The following SLC17A6 variants were observed in gnomAD, a reference collection of about 807,000 sequenced individuals.
SLC17A6 encodes vesicular glutamate transporter 2.
Under a neutral mutation model 67.1 loss-of-function variants are expected in SLC17A6, and 35 were observed. The ratio of observed to expected loss-of-function variants is 0.52; its 90% CI spans 0.40 to 0.69. The LOEUF (loss-of-function observed/expected upper bound fraction) is 0.69. Ranked by LOEUF, SLC17A6 falls within the 30% of genes least tolerant of loss-of-function variation. SLC17A6 has a pLI of 0.00. For synonymous variants in SLC17A6, 285 were observed against 252.3 expected (o/e 1.13, Z -1.23); for missense variants, 588 against 723.9 (o/e 0.81, Z 2.15).
chr11:22,350,924 T>C (rs1435425289), intron 3 of SLC17A6, among the ~76,000 whole-genome samples: 1 of 152,194 alleles, frequency 6.6e-6, no homozygotes, highest in Non-Finnish European at 1.5e-5. Context: ...GAGTATTTCA[T>C]TGATAGTTTG....
At chr11:22,370,671 A>G (rs1024199350) in intron 8 of SLC17A6, among the ~76,000 whole-genome samples, 1 of 152,178 alleles carries the variant, frequency 6.6e-6, no homozygotes, top group African/African-American at 2.4e-5. Context: ...TATTTTGTCC[A>G]TCCAATCTAT....
At position 22,352,913 on chromosome 11, in the gene SLC17A6, A is replaced by C. The variant is rs141084140; in HGVS notation, c.459-6500A>C. Among the ~76,000 whole-genome samples, 10 of 152,354 alleles carry C rather than the reference A, an allele frequency of 6.6e-5. No individual in the cohort carries two copies. The East Asian group carries it at 1.9e-3, about 29-fold the overall frequency. ...ACAGACTAAGAGGCTGATGCATTTC[A>C]ATCAATTCTGTATGAATTCAGAATG... On this transcript the variant is annotated intron_variant, in intron 3 of 11. Transcript: ENST00000263160.
intron 3 of SLC17A6, among the ~76,000 whole-genome samples, chr11:22,357,129 C>T (rs1054603051): frequency 6.6e-6 from 1 of 152,162 alleles, no homozygotes; most frequent in African/African-American, 2.4e-5. Context: ...CAGGTTTCCT[C>T]TACTTAAAAC....
chr11:22,341,041 G>A (rs1247568917), intron 1 of SLC17A6, among the ~76,000 whole-genome samples: 1 of 152,186 alleles, frequency 6.6e-6, no homozygotes, highest in Non-Finnish European at 1.5e-5. Context: ...TCTCTAGTTG[G>A]GCCCGCCTGC....
chr11:22,343,112 A>G (rs1855836070), intron 2 of SLC17A6, 135 bp from the exon 3 acceptor site: 2 of 761,528 alleles, frequency 2.6e-6, no homozygotes, highest in Non-Finnish European at 4.6e-6. Flanking sequence ...GGAAACGAAA[A>G]TGAAGCCACT....
intron 3 of SLC17A6, among the ~76,000 whole-genome samples, chr11:22,351,581 T>A (rs1389515421): frequency 1.3e-5 from 2 of 152,164 alleles, no homozygotes; most frequent in South Asian, 2.1e-4. Context: ...TCAAATTATA[T>A]CATTCTTTAC....
rs1856235261 is a variant in SLC17A6, at chr11:22,376,612, T to A, written c.1353T>A (p.Gly451=). Residue 451 remains glycine, a synonymous_variant, in exon 11 of 12, where the codon GGT becomes GGA. Coordinates refer to ENST00000263160, the MANE Select transcript of SLC17A6 (RefSeq NM_020346.3). ...GTATCTTAATGGGCATTTCGAATGGTGTTGGCACATTGTCAGGAATGGTTT... is the reference window on the plus strand; with the variant it reads ...GTATCTTAATGGGCATTTCGAATGGAGTTGGCACATTGTCAGGAATGGTTT... ...YASILMGISN[G]VGTLSGMVCP... The A allele has an allele frequency of 3.1e-6, 5 of 1,613,904 alleles. No homozygotes were observed. Among genetic ancestry groups the A allele is most frequent in the Non-Finnish European group, 4.2e-6 (5 of 1,179,940 alleles).
At chr11:22,339,073 ATATGT>A (rs1347833135) in intron 1 of SLC17A6, among the ~76,000 whole-genome samples, 6,070 of 111,532 alleles carry the variant, frequency 0.054, 461 homozygotes, top group Non-Finnish European at 0.077. Flanking sequence ...ATATATATAT[ATATGT>A]TATATATATA....
chr11:22,339,770 C>T (rs1460660287), intron 1 of SLC17A6, among the ~76,000 whole-genome samples: 2 of 152,126 alleles, frequency 1.3e-5, no homozygotes, highest in African/African-American at 4.8e-5. Flanking sequence ...CGATTATGCA[C>T]CTATGCGGCA....
intron 1 of SLC17A6, among the ~76,000 whole-genome samples, chr11:22,339,568 G>A (rs1252872462): frequency 6.6e-6 from 1 of 152,072 alleles, no homozygotes; most frequent in African/African-American, 2.4e-5. Context: ...TATGGATACA[G>A]CTTTTCTTAA....
chr11:22,348,905 C>T (rs922406058), intron 3 of SLC17A6, among the ~76,000 whole-genome samples: 1 of 151,976 alleles, frequency 6.6e-6, no homozygotes, highest in African/African-American at 2.4e-5. Flanking sequence ...TGTGTTAAGC[C>T]CAGAAAGGAG....
chr11:22,370,189 G>T lies in SLC17A6; in HGVS notation c.1041+1G>T. ...AGTCTTTGGATTTGAAATTAGCAAG[G>T]TATGTAAAATGTATTCTTATATAAA... On this transcript the variant is annotated splice_donor_variant, in intron 8 of 11. Coordinates refer to ENST00000263160, the MANE Select transcript of SLC17A6 (RefSeq NM_020346.3). LOFTEE classifies it high-confidence loss of function. 1 of 1,599,814 alleles carries T rather than the reference G, an allele frequency of 6.3e-7. No individual in the cohort carries two copies. Among genetic ancestry groups the T allele is most frequent in the Non-Finnish European group, 8.5e-7 (1 of 1,174,998 alleles).
chr11:22,345,754 G>T (rs1855869043), intron 3 of SLC17A6, among the ~76,000 whole-genome samples: 1 of 152,000 alleles, frequency 6.6e-6, no homozygotes, highest in Non-Finnish European at 1.5e-5. Context: ...TTGAAGCCTT[G>T]TGTGAAAATG....
chr11:22,372,658 T>A (rs1856187382), intron 8 of SLC17A6, among the ~76,000 whole-genome samples: 1 of 152,086 alleles, frequency 6.6e-6, no homozygotes. Context: ...CGATCTAGAC[T>A]ATGACCCAGA....
intron 3 of SLC17A6, among the ~76,000 whole-genome samples, chr11:22,347,043 C>T (rs191797296): frequency 3.3e-5 from 5 of 151,670 alleles, no homozygotes; most frequent in Admixed American, 6.6e-5. Flanking sequence ...GATTTCTCAA[C>T]GCTGCTTTAT....
intron 6 of SLC17A6, among the ~76,000 whole-genome samples, chr11:22,364,716 G>A (rs1055335368): frequency 6.6e-6 from 1 of 152,112 alleles, no homozygotes; most frequent in African/African-American, 2.4e-5. Flanking sequence ...AGAACAGTGT[G>A]AGGGAAAAAT....
intron 8 of SLC17A6, among the ~76,000 whole-genome samples, chr11:22,373,456 A>C (rs1412809259): frequency 1.3e-5 from 2 of 151,662 alleles, no homozygotes; most frequent in African/African-American, 4.8e-5. Context: ...TCTCAAAAGC[A>C]ATAATGATTT....
At chr11:22,348,227 G>GCTTT (rs1433569378) in intron 3 of SLC17A6, among the ~76,000 whole-genome samples, 86 of 152,154 alleles carry the variant, frequency 5.7e-4, no homozygotes, top group Non-Finnish European at 1.0e-3. Flanking sequence ...ATGCTTCATT[G>GCTTT]CAAAGTTTGC....
intron 5 of SLC17A6, chr11:22,362,362 C>A: frequency 3.0e-6 from 1 of 333,320 alleles, no homozygotes; most frequent in South Asian, 3.2e-5. Flanking sequence ...GAATTTGCTA[C>A]AAGGAGATAC....
Sources: allele counts gnomAD v4.1 joint callset (sites outside exome capture counted in the v4.1 genomes callset), GRCh38; gene constraint gnomAD v4.1.1; transcripts MANE v1.5; gene names NCBI Gene and HGNC (gene_info 2026-07-23, HGNC 2026-07-21).